XIRP2: variants seen among roughly 807,000 people sequenced by gnomAD.
The protein encoded by XIRP2 is xin actin-binding repeat-containing protein 2.
In XIRP2, 236 loss-of-function variants were observed where a neutral mutation model predicts 277.0. The observed-to-expected ratio is 0.85, with a 90% CI of 0.77 to 0.95. XIRP2 has a LOEUF of 0.95. Among genes scored for constraint, XIRP2 ranks in the 40% least tolerant of loss-of-function variants. The pLI is 0.00. For missense variants in XIRP2, 4,640 were observed against 4,157.5 expected, an observed-to-expected ratio of 1.12 and a Z score of -3.19; for synonymous variants, 1,490 against 1,416.5, an observed-to-expected ratio of 1.05 and a Z score of -1.17.
intron 5 of XIRP2, among the ~76,000 whole-genome samples, chr2:167,224,963 A>G (rs1354612199): frequency 6.6e-6 from 1 of 152,194 alleles, no homozygotes; most frequent in Middle Eastern, 3.2e-3. Flanking sequence ...GTCATTGTGG[A>G]GTAATCAGTA....
At chr2:167,123,570 G>C (rs1023550943) in intron 2 of XIRP2, among the ~76,000 whole-genome samples, 3 of 152,056 alleles carry the variant, frequency 2.0e-5, no homozygotes, top group Non-Finnish European at 2.9e-5. Context: ...TGCTTGCAGG[G>C]TTTGTTTTCT....
intron 3 of XIRP2, among the ~76,000 whole-genome samples, chr2:167,163,396 T>C (rs1692426035): frequency 6.6e-6 from 1 of 152,218 alleles, no homozygotes; most frequent in South Asian, 2.1e-4. Context: ...TAGTTTTAAT[T>C]AGCATTTTCC....
chr2:167,045,319 A>G (rs1176052400), intron 2 of XIRP2, among the ~76,000 whole-genome samples: 3 of 152,114 alleles, frequency 2.0e-5, no homozygotes, highest in African/African-American at 7.2e-5. Context: ...ACCCTAGAAA[A>G]TACCATTCTG....
intron 4 of XIRP2, among the ~76,000 whole-genome samples, chr2:167,214,289 G>A (rs1309960760): frequency 1.0e-5 from 1 of 95,780 alleles, no homozygotes; most frequent in South Asian, 4.6e-4. Context: ...GGGAGGGAGG[G>A]AGGGAGGGAG....
intron 3 of XIRP2, among the ~76,000 whole-genome samples, chr2:167,198,544 T>C (rs1355284253): frequency 1.3e-5 from 2 of 152,222 alleles, no homozygotes; most frequent in Non-Finnish European, 2.9e-5. Context: ...GTGAGAATAA[T>C]GGTGTCCTAC....
chr2:167,184,542 C>G (rs761336650), intron 3 of XIRP2: 3 of 716,394 alleles, frequency 4.2e-6, no homozygotes, highest in African/African-American at 3.5e-5. Context: ...TTTCCAGCAG[C>G]AGTGTTCTCC....
chr2:167,097,874 C>T (rs1435228177), intron 2 of XIRP2, among the ~76,000 whole-genome samples: 1 of 152,152 alleles, frequency 6.6e-6, no homozygotes, highest in African/African-American at 2.4e-5. Flanking sequence ...TGAATATTGG[C>T]CCCCACTCTC....
intron 2 of XIRP2, among the ~76,000 whole-genome samples, chr2:167,026,205 T>C (rs369208936): frequency 2.6e-5 from 4 of 152,194 alleles, no homozygotes; most frequent in African/African-American, 9.7e-5. Context: ...TTTACCATTA[T>C]GTAATGGCCT....
chr2:166,926,564 A>C (rs1685193532), intron 2 of XIRP2, among the ~76,000 whole-genome samples: 1 of 152,016 alleles, frequency 6.6e-6, no homozygotes, highest in Non-Finnish European at 1.5e-5. Flanking sequence ...ACATAACCCA[A>C]TCTGCTTAGT....
At chr2:167,171,761 A>G (rs1692699099) in intron 3 of XIRP2, among the ~76,000 whole-genome samples, 1 of 152,188 alleles carries the variant, frequency 6.6e-6, no homozygotes, top group African/African-American at 2.4e-5. Flanking sequence ...TAAGAATCCT[A>G]TGTCTTCTTC....
intron 3 of XIRP2, among the ~76,000 whole-genome samples, chr2:167,157,681 A>G (rs1692240477): frequency 6.6e-6 from 1 of 152,134 alleles, no homozygotes; most frequent in African/African-American, 2.4e-5. Context: ...CCCTACAATC[A>G]AAGCAGCTTG....
At position 166,913,383 on chromosome 2, in the gene XIRP2, C is replaced by T. The variant is rs758922593; in HGVS notation, c.408+9493C>T. ...GCGGTGCTAGCAATGAGTGAGGCTC[C>T]GTGGGCGTGGGACCCTCTGAGCCAG... is the stretch of plus-strand genomic sequence containing the variant. On this transcript the variant is annotated intron_variant, in intron 2 of 10. Transcript: ENST00000409195. Among the ~76,000 whole-genome samples, 106 of 151,886 alleles carry T rather than the reference C, an allele frequency of 7.0e-4. 1 individual carries two copies. The highest frequency in any genetic ancestry group is 3.4e-3 in the Middle Eastern group (1 of 294).
At chr2:167,053,985 T>C (rs1413937181) in intron 2 of XIRP2, among the ~76,000 whole-genome samples, 1 of 152,190 alleles carries the variant, frequency 6.6e-6, no homozygotes, top group Admixed American at 6.5e-5. Flanking sequence ...TCAAGAATTG[T>C]GTTATATTTT....
chr2:167,147,744 TTAATC>T (rs1168039766), intron 3 of XIRP2, among the ~76,000 whole-genome samples: 1 of 152,192 alleles, frequency 6.6e-6, no homozygotes, highest in Admixed American at 6.5e-5. Context: ...CATTTGCTGA[TTAATC>T]TGTATGCATT....
At chr2:167,150,161 C>T (rs184345463) in intron 3 of XIRP2, among the ~76,000 whole-genome samples, 16 of 151,698 alleles carry the variant, frequency 1.1e-4, no homozygotes, top group Admixed American at 4.6e-4. Flanking sequence ...AAAAAAAAAT[C>T]GGTAGCACTA....
intron 2 of XIRP2, among the ~76,000 whole-genome samples, chr2:166,909,451 T>G (rs1684635123): frequency 1.3e-5 from 2 of 152,194 alleles, no homozygotes; most frequent in Admixed American, 1.3e-4. Context: ...GCTTGTGATT[T>G]TTGCACATTG....
At chr2:166,988,280 A>G (rs1232973162) in intron 2 of XIRP2, among the ~76,000 whole-genome samples, 2 of 152,192 alleles carry the variant, frequency 1.3e-5, no homozygotes, top group Non-Finnish European at 2.9e-5. Flanking sequence ...AAGCTAAGGG[A>G]CATTCTACTA....
Position 167,258,820 on chromosome 2 carries a change from C to T in XIRP2, c.*1003C>T. ...AGAAGTTAGAAAATACATCTAGAAT[C>T]TCAGAGTTACTTGGTATATTTGAAT... On this transcript the variant is annotated 3_prime_UTR_variant, in exon 11 of 11. Coordinates refer to ENST00000409195, the MANE Select transcript of XIRP2 (RefSeq NM_152381.6). The T allele has an allele frequency of 6.2e-7, 1 of 1,613,128 alleles. No homozygotes were observed. The highest frequency in any genetic ancestry group is 1.1e-5 in the South Asian group (1 of 91,012).
chr2:167,009,556 T>A (rs1340854017), intron 2 of XIRP2, among the ~76,000 whole-genome samples: 1 of 152,074 alleles, frequency 6.6e-6, no homozygotes, highest in Admixed American at 6.6e-5. Flanking sequence ...GCAGCATAAT[T>A]TACAGTCCTT....
Sources: gnomAD v4.1 joint callset for allele counts (sites outside exome capture counted in the v4.1 genomes callset) on GRCh38, gnomAD v4.1.1 for gene constraint, MANE v1.5 for transcripts, NCBI Gene and HGNC (gene_info 2026-07-23, HGNC 2026-07-21) for gene names.